The following C7 variants were observed in gnomAD, a reference collection of about 807,000 sequenced individuals.
C7 encodes the protein complement C7, also known as complement component C7.
A neutral mutation model predicts 104.8 loss-of-function variants in C7; 83 were observed. The ratio of observed to expected loss-of-function variants is 0.79; its 90% CI spans 0.66 to 0.95. The LOEUF is 0.95. Ranked by LOEUF, C7 falls within the 40% of genes least tolerant of loss-of-function variation. The probability of loss-of-function intolerance (pLI) is 0.00; values close to 1 mark genes in which losing one functional copy is unlikely to be tolerated. For missense variants in C7, 1,070 were observed against 1,011.2 expected, an observed-to-expected ratio of 1.06 and a Z score of -0.79; for synonymous variants, 415 against 360.6, an observed-to-expected ratio of 1.15 and a Z score of -1.71.
At chr5:40,967,105 C>T (rs900766177) in intron 14 of C7, among the ~76,000 whole-genome samples, 8 of 144,888 alleles carry the variant, frequency 5.5e-5, no homozygotes, top group Non-Finnish European at 8.9e-5. Context: ...TCTTGCTTAT[C>T]GCCAGGCTGG....
At chr5:40,929,029 C>A (rs1039273543) in intron 2 of C7, among the ~76,000 whole-genome samples, 1 of 151,982 alleles carries the variant, frequency 6.6e-6, no homozygotes. Context: ...ATAGTCTTAC[C>A]AAGTTCTTGA....
intron 17 of C7, among the ~76,000 whole-genome samples, chr5:40,980,981 A>G (rs192432099): frequency 2.6e-5 from 4 of 152,302 alleles, no homozygotes; most frequent in Admixed American, 2.6e-4. Context: ...AGCCTTTTGC[A>G]TGCCATGCTC....
chr5:40,972,430 T>C lies in C7; in HGVS notation c.1910T>C (p.Met637Thr), dbSNP rs1399923641. 2 of 1,613,926 alleles carry C rather than the reference T, an allele frequency of 1.2e-6. No individual in the cohort carries two copies. The highest frequency in any genetic ancestry group is 1.7e-5 in the Admixed American group (1 of 60,014). Residue 637 changes from methionine to threonine, a missense_variant, in exon 15 of 18, where the codon ATG becomes ACG. Met to Thr is a moderately conservative substitution (Grantham distance 81). Transcript: ENST00000313164. Reference protein sequence around the residue: ...QKIACVLPVLMDGIQSHPQKP... With the variant: ...QKIACVLPVLTDGIQSHPQKP... ...ATTGCCTGTGTTCTACCTGTACTGATGGATGGCATACAGAGTCACCCCCAA... is the reference window on the plus strand; with the variant it reads ...ATTGCCTGTGTTCTACCTGTACTGACGGATGGCATACAGAGTCACCCCCAA...
rs1249829754 is a variant in C7, at chr5:40,984,552, C to T, written c.*2979C>T. On this transcript the variant is annotated 3_prime_UTR_variant, in exon 18 of 18. Transcript: ENST00000313164. ...CCTAGTATGTGTCCATTTATGTGCCCGGCTTATTATGTGTCCACTTATGTG... is the reference window on the plus strand; with the variant it reads ...CCTAGTATGTGTCCATTTATGTGCCTGGCTTATTATGTGTCCACTTATGTG... Among the ~76,000 whole-genome samples, 7 of 152,128 alleles carry T rather than the reference C, an allele frequency of 4.6e-5. No homozygotes were observed. Among genetic ancestry groups the T allele is most frequent in the South Asian group, 2.1e-4 (1 of 4,816 alleles).
chr5:40,909,817 C>T (rs1029030963), intron 1 of C7, among the ~76,000 whole-genome samples: 3 of 152,064 alleles, frequency 2.0e-5, no homozygotes, highest in African/African-American at 7.2e-5. Context: ...AACAGTTCAG[C>T]CAAAGTGAAT....
At chr5:40,910,533 A>C (rs1739185275) in intron 1 of C7, among the ~76,000 whole-genome samples, 1 of 152,192 alleles carries the variant, frequency 6.6e-6, no homozygotes, top group South Asian at 2.1e-4. Context: ...TAAATAATTA[A>C]AATTAAACAC....
chr5:40,969,794 A>G (rs1434058566), intron 14 of C7, among the ~76,000 whole-genome samples: 1 of 151,840 alleles, frequency 6.6e-6, no homozygotes, highest in African/African-American at 2.4e-5. Context: ...ATTTACAAAT[A>G]CCTCAAGGAA....
chr5:40,930,131 T>A (rs1159622747), intron 2 of C7, among the ~76,000 whole-genome samples: 1 of 152,132 alleles, frequency 6.6e-6, no homozygotes, highest in Non-Finnish European at 1.5e-5. Context: ...AAATGAGATA[T>A]ATTGTACTAT....
intron 15 of C7, among the ~76,000 whole-genome samples, chr5:40,974,139 T>C (rs1740762670): frequency 6.6e-6 from 1 of 152,172 alleles, no homozygotes; most frequent in African/African-American, 2.4e-5. Context: ...CCCATTGTTG[T>C]GCAACCATCA....
intron 9 of C7, among the ~76,000 whole-genome samples, chr5:40,954,288 T>C (rs1018631483): frequency 1.3e-5 from 2 of 152,150 alleles, no homozygotes; most frequent in Non-Finnish European, 2.9e-5. Flanking sequence ...ATATACCCAT[T>C]TCCTATATAC....
chr5:40,918,578 G>A (rs1288370239), intron 1 of C7, among the ~76,000 whole-genome samples: 1 of 151,938 alleles, frequency 6.6e-6, no homozygotes, highest in Non-Finnish European at 1.5e-5. Flanking sequence ...AGGGCACACA[G>A]ATTGAAAATT....
At chr5:40,942,930 A>G (rs1190947404) in intron 6 of C7, among the ~76,000 whole-genome samples, 1 of 151,848 alleles carries the variant, frequency 6.6e-6, no homozygotes, top group Admixed American at 6.6e-5. Flanking sequence ...ATGCCCAGCT[A>G]ATTTTTGTAT....
chr5:40,944,712 G>C (rs879013394), intron 6 of C7, among the ~76,000 whole-genome samples: 1 of 152,246 alleles, frequency 6.6e-6, no homozygotes, highest in South Asian at 2.1e-4. Flanking sequence ...TGCAATTTTA[G>C]CATTTATCCA....
intron 6 of C7, among the ~76,000 whole-genome samples, chr5:40,943,616 G>C (rs1579853683): frequency 6.6e-6 from 1 of 151,204 alleles, no homozygotes; most frequent in Non-Finnish European, 1.5e-5. Flanking sequence ...TCTCCAAAGA[G>C]ATAATAAACT....
rs1219419938 is a variant in C7, at chr5:40,962,084, G to A, written c.1662-1G>A. ...ATTAATTACATTTTTTTTCCTTCCA[G>A]GTTGCTTGAACCACATTGCTTTCCT... On this transcript the variant is annotated splice_acceptor_variant, in intron 12 of 17. Coordinates refer to ENST00000313164, the MANE Select transcript of C7 (RefSeq NM_000587.4). LOFTEE classifies it high-confidence loss of function. 1.4e-5 allele frequency: 21 copies of A among 1,504,300 alleles called. No individual in the cohort carries two copies. Among genetic ancestry groups the A allele is most frequent in the Non-Finnish European group, 1.9e-5 (21 of 1,114,804 alleles). The allele number at this position is 1,504,300 out of a possible 1,614,324, so 93.2% of individuals were successfully genotyped here.
intron 3 of C7, 30 bp from the exon 4 acceptor site, chr5:40,934,295 C>A: frequency 6.6e-7 from 1 of 1,511,354 alleles, no homozygotes; most frequent in Non-Finnish European, 8.9e-7. Context: ...AACAAATAAA[C>A]AAACAAACCA....
Position 40,962,662 on chromosome 5 carries a change from A to T in C7, c.1749+490A>T, listed in dbSNP as rs183123434. Among the ~76,000 whole-genome samples, 10 of 152,330 alleles carry T rather than the reference A, an allele frequency of 6.6e-5. No individual in the cohort carries two copies. The East Asian group carries it at 1.9e-3, about 29-fold the overall frequency. Reference sequence around the variant, plus strand: ...TTTGAGCAATTGAACCTTCCTGTTCAGGAAAGAAGAGTAGTCATCTGCCAT... The same window carrying T: ...TTTGAGCAATTGAACCTTCCTGTTCTGGAAAGAAGAGTAGTCATCTGCCAT... On this transcript the variant is annotated intron_variant, in intron 13 of 17. Transcript: ENST00000313164.
chr5:40,962,886 G>A (rs542005308), intron 13 of C7, among the ~76,000 whole-genome samples: 24 of 152,208 alleles, frequency 1.6e-4, no homozygotes, highest in African/African-American at 5.8e-4. Context: ...CAAACCCCAG[G>A]CCCTTGAACA....
At chr5:40,980,699 C>T (rs139393669) in intron 17 of C7, among the ~76,000 whole-genome samples, 235 of 152,292 alleles carry the variant, frequency 1.5e-3, no homozygotes, top group Non-Finnish European at 2.4e-3. Context: ...CTTGTAAGGT[C>T]TCTGTCGTCT....
Sources: allele counts gnomAD v4.1 joint callset (sites outside exome capture counted in the v4.1 genomes callset), GRCh38; gene constraint gnomAD v4.1.1; transcripts MANE v1.5; gene names NCBI Gene and HGNC (gene_info 2026-07-23, HGNC 2026-07-21).